Variants in CRTC1 observed in about 807,000 individuals in gnomAD.
The protein encoded by CRTC1 is CREB regulated transcription coactivator 1, also known as CREB-regulated transcription coactivator 1.
In CRTC1, 18 loss-of-function variants were observed where a neutral mutation model predicts 66.1. That is an observed-to-expected ratio of 0.27 (90% CI 0.19 to 0.40). CRTC1 has a LOEUF of 0.40. Among genes scored for constraint, CRTC1 ranks in the 10% least tolerant of loss-of-function variants. The pLI is 1.00. For synonymous variants in CRTC1, 416 were observed against 398.8 expected, an observed-to-expected ratio of 1.04 and a Z score of -0.51; for missense variants, 669 against 887.9, an observed-to-expected ratio of 0.75 and a Z score of 3.13.
At chr19:18,757,487 C>T (rs1458531399) in intron 6 of CRTC1, among the ~76,000 whole-genome samples, 1 of 152,206 alleles carries the variant, frequency 6.6e-6, no homozygotes, top group African/African-American at 2.4e-5. Flanking sequence ...TCCTCACAGC[C>T]AGAGCCAGAC....
At chr19:18,753,329 T>G (rs981881534) in intron 5 of CRTC1, among the ~76,000 whole-genome samples, 171 bp from the exon 6 acceptor site, 1 of 152,064 alleles carries the variant, frequency 6.6e-6, no homozygotes, top group Non-Finnish European at 1.5e-5. Flanking sequence ...TTGTTTGTCA[T>G]GAAGCCCTTT....
chr19:18,778,246 A>G lies in CRTC1; in HGVS notation c.*864A>G. 1 of 232,644 alleles carries G rather than the reference A, an allele frequency of 4.3e-6. No individual in the cohort carries two copies. The highest frequency in any genetic ancestry group is 6.0e-5 in the East Asian group (1 of 16,532). The allele number at this position is 232,644 out of a possible 1,614,324, so 14.4% of individuals were successfully genotyped here. Reference sequence around the variant, plus strand: ...CACCGGTCCTGTCATAGATGCTGTTAATTTAAGGTACAGGCAGAGGTGGCC... The same window carrying G: ...CACCGGTCCTGTCATAGATGCTGTTGATTTAAGGTACAGGCAGAGGTGGCC... On this transcript the variant is annotated 3_prime_UTR_variant, in exon 14 of 14. Transcript: ENST00000321949.
chr19:18,756,189 C>T (rs2054481308), intron 6 of CRTC1, among the ~76,000 whole-genome samples: 1 of 151,934 alleles, frequency 6.6e-6, no homozygotes, highest in Non-Finnish European at 1.5e-5. Context: ...AAAAATTAGC[C>T]AGGTGTGGTG....
intron 1 of CRTC1, among the ~76,000 whole-genome samples, chr19:18,691,707 G>A (rs952529347): frequency 6.6e-6 from 1 of 151,578 alleles, no homozygotes; most frequent in South Asian, 2.1e-4. Flanking sequence ...TGGGCCTGCC[G>A]GTGCCTCTTT....
At chr19:18,743,478 T>A (rs912641217) in intron 2 of CRTC1, among the ~76,000 whole-genome samples, 8 of 152,206 alleles carry the variant, frequency 5.3e-5, no homozygotes, top group Admixed American at 4.6e-4. Context: ...TGCACAGCCT[T>A]ATCGTAAACA....
rs745449694 is a variant in CRTC1 at position 18,749,750 on chromosome 19, G to A, written c.444-31G>A. Reference sequence around the variant, plus strand: ...TATCGCATTGTCTGCCTTGGGCTGAGGCTCATTGTCTCTTCCTCCCTCCCC... The same window carrying A: ...TATCGCATTGTCTGCCTTGGGCTGAAGCTCATTGTCTCTTCCTCCCTCCCC... On this transcript the variant is annotated intron_variant, in intron 4 of 13. Coordinates refer to ENST00000321949, the MANE Select transcript of CRTC1 (RefSeq NM_015321.3). 3.2e-6 allele frequency: 5 copies of A among 1,575,970 alleles called. No individual in the cohort carries two copies. The African/African-American group carries it at 5.4e-5, about 17-fold the overall frequency.
At chr19:18,737,585 G>A (rs1322503483) in intron 1 of CRTC1, among the ~76,000 whole-genome samples, 2 of 151,990 alleles carry the variant, frequency 1.3e-5, no homozygotes, top group Non-Finnish European at 2.9e-5. Flanking sequence ...AAAAAGATAC[G>A]TCCACACTCT....
chr19:18,724,103 G>C (rs1301062752), intron 1 of CRTC1, among the ~76,000 whole-genome samples: 1 of 152,180 alleles, frequency 6.6e-6, no homozygotes, highest in Non-Finnish European at 1.5e-5. Context: ...GCCCAGGCTT[G>C]TTCCCTGGGC....
In CRTC1 at chr19:18,768,170, A is replaced by G. The variant is rs2054777785; in HGVS notation, c.1012-315A>G. On this transcript the variant is annotated intron_variant, in intron 9 of 13. Transcript: ENST00000321949. This position sits in a 1 kb window ranked among gnomAD's most constrained non-coding sequence, Gnocchi z 5.6. The stretch of plus-strand genomic sequence containing the variant: ...GGAGCTGGCTGCTCACTGAGCCACC[A>G]GGGATGGCCATCCTGGGCTTGCCCT... 6.6e-6 allele frequency among the ~76,000 whole-genome samples: 1 copy of G among 152,170 alleles called. No individual in the cohort carries two copies. The highest frequency in any genetic ancestry group is 1.5e-5 in the Non-Finnish European group (1 of 68,012).
intron 8 of CRTC1, among the ~76,000 whole-genome samples, chr19:18,763,393 G>A (rs1600983953): frequency 3.3e-5 from 5 of 152,292 alleles, no homozygotes; most frequent in African/African-American, 9.6e-5. Context: ...GAGCCACTGT[G>A]CCTGGCCGAC....
chr19:18,752,499 T>C (rs977645363), intron 5 of CRTC1, among the ~76,000 whole-genome samples: 2 of 152,046 alleles, frequency 1.3e-5, no homozygotes, highest in Non-Finnish European at 2.9e-5. Context: ...TCTTATTTTT[T>C]GTAGAGGTGA....
chr19:18,759,986 C>T (rs1169329051), intron 7 of CRTC1, 22 bp from the exon 8 acceptor site: 2 of 1,555,932 alleles, frequency 1.3e-6, no homozygotes, highest in East Asian at 2.3e-5. Context: ...TCACCTCCTG[C>T]CTGCCTCTGG....
intron 1 of CRTC1, among the ~76,000 whole-genome samples, chr19:18,723,322 G>A (rs1468870001): frequency 3.9e-5 from 6 of 152,200 alleles, no homozygotes; most frequent in Non-Finnish European, 7.3e-5. Context: ...TTCGGATGTT[G>A]TTAACCGTCC....
At chr19:18,706,274 G>C (rs1027755111) in intron 1 of CRTC1, among the ~76,000 whole-genome samples, 2 of 122,816 alleles carry the variant, frequency 1.6e-5, no homozygotes, top group African/African-American at 6.3e-5. Flanking sequence ...GTGCAATCTT[G>C]GCTCACTGCA....
intron 2 of CRTC1, among the ~76,000 whole-genome samples, 199 bp from the exon 3 acceptor site, chr19:18,745,624 C>G (rs2054214331): frequency 6.6e-6 from 1 of 152,226 alleles, no homozygotes; most frequent in South Asian, 2.1e-4. Context: ...CAGCTCACAC[C>G]CCCTCCCTAC....
chr19:18,760,961 C>G lies in CRTC1; in HGVS notation c.886+733C>G, dbSNP rs1366101343. On this transcript the variant is annotated intron_variant, in intron 8 of 13. Transcript: ENST00000321949. The surrounding 1 kb of genome is among the most constrained non-coding windows in gnomAD (Gnocchi z 6.2). The stretch of plus-strand genomic sequence containing the variant: ...CTAGAACAGCCACCAGCCATGGCTT[C>G]CTCCACTTGGGACCTCGCACGGCCC... Among the ~76,000 whole-genome samples the G allele has an allele frequency of 6.6e-6, 1 of 151,196 alleles. No homozygotes were observed. The highest frequency in any genetic ancestry group is 1.5e-5 in the Non-Finnish European group (1 of 67,772).
chr19:18,768,042 C>A lies in CRTC1; in HGVS notation c.1012-443C>A, dbSNP rs2054774735. On this transcript the variant is annotated intron_variant, in intron 9 of 13. Transcript: ENST00000321949. This position sits in a 1 kb window ranked among gnomAD's most constrained non-coding sequence, Gnocchi z 5.6. The stretch of plus-strand genomic sequence containing the variant: ...ATGCTGGTATCTCCAGCAACCCCAG[C>A]CTCTCCAGCATCCCCAGAGTGGGCA... Among the ~76,000 whole-genome samples, 1 of 152,212 alleles carries A rather than the reference C, an allele frequency of 6.6e-6. No homozygotes were observed. The highest frequency in any genetic ancestry group is 2.4e-5 in the African/African-American group (1 of 41,438).
At chr19:18,746,009 C>T in intron 3 of CRTC1, 49 bp downstream of exon 3, 2 of 1,556,226 alleles carry the variant, frequency 1.3e-6, no homozygotes, top group Non-Finnish European at 8.7e-7. Context: ...CCTGTCGGTG[C>T]CGGCAGGACC....
At chr19:18,712,681 C>T (rs557199595) in intron 1 of CRTC1, among the ~76,000 whole-genome samples, 29 of 152,010 alleles carry the variant, frequency 1.9e-4, no homozygotes, top group Non-Finnish European at 3.5e-4. Context: ...TCCCCTTAGC[C>T]GGGTGCAGTT....
Sources: gnomAD v4.1 joint callset for allele counts (sites outside exome capture counted in the v4.1 genomes callset) on GRCh38, gnomAD v4.1.1 for gene constraint, Gnocchi (gnomAD v3.1) non-coding constraint, MANE v1.5 for transcripts, NCBI Gene and HGNC (gene_info 2026-07-23, HGNC 2026-07-21) for gene names.